The following HOMER1 variants were observed in gnomAD, a reference collection of about 807,000 sequenced individuals.
The protein encoded by HOMER1 is homer protein homolog 1.
HOMER1 carries 3 observed loss-of-function variants against 48.9 expected under a neutral mutation model. The observed-to-expected ratio is 0.06, with a 90% CI of 0.03 to 0.16. HOMER1 has a LOEUF of 0.16. HOMER1 is among the 10% of genes least tolerant of loss of function. The pLI, the probability that HOMER1 is intolerant of heterozygous loss-of-function variation, is 1.00. For synonymous variants in HOMER1, 134 were observed against 146.4 expected (o/e 0.92, Z 0.61); for missense variants, 247 against 411.4 (o/e 0.60, Z 3.46).
At chr5:79,382,603 A>C (rs1749011125) in intron 8 of HOMER1, among the ~76,000 whole-genome samples, 1 of 152,232 alleles carries the variant, frequency 6.6e-6, no homozygotes, top group Non-Finnish European at 1.5e-5. Flanking sequence ...TCTTTCCCAG[A>C]AAAGCAAAAG....
At chr5:79,391,255 A>G (rs1328169912) in intron 8 of HOMER1, among the ~76,000 whole-genome samples, 1 of 150,686 alleles carries the variant, frequency 6.6e-6, no homozygotes, top group African/African-American at 2.4e-5. Flanking sequence ...TTCCCACCTC[A>G]GCCTCCCATG....
intron 8 of HOMER1, among the ~76,000 whole-genome samples, chr5:79,381,448 G>A (rs1748972660): frequency 1.3e-5 from 2 of 152,040 alleles, no homozygotes; most frequent in Non-Finnish European, 2.9e-5. Flanking sequence ...ACATGAGAAC[G>A]CAATGAAATG....
At chr5:79,435,624 G>A (rs1378405692) in intron 5 of HOMER1, among the ~76,000 whole-genome samples, 1 of 152,080 alleles carries the variant, frequency 6.6e-6, no homozygotes, top group Non-Finnish European at 1.5e-5. Context: ...GAGGTCAGGA[G>A]ATTGAGACCA....
rs1748685887 is a variant in HOMER1 at position 79,373,484 on chromosome 5, A to G, written c.*2525T>C. 1 of 151,938 alleles carries G rather than the reference A, an allele frequency of 6.6e-6. No homozygotes were observed. The highest frequency in any genetic ancestry group is 2.1e-4 in the South Asian group (1 of 4,824). 9.4% of individuals were successfully genotyped at this position (151,938 alleles called of 1,614,324 possible). A position where few individuals can be genotyped will look rare whatever the true frequency, so the allele number is the denominator to read the frequency against. On this transcript the variant is annotated 3_prime_UTR_variant, in exon 9 of 9. Transcript: ENST00000334082. Reference sequence around the variant, plus strand: ...TTTGATTTAAATATAGATACAGTATATAATACTTGTCTCTGGGAAAAATCA... The same window carrying G: ...TTTGATTTAAATATAGATACAGTATGTAATACTTGTCTCTGGGAAAAATCA...
chr5:79,512,664 C>T, intron 1 of HOMER1, 106 bp downstream of exon 1: 2 of 1,070,846 alleles, frequency 1.9e-6, no homozygotes, highest in Admixed American at 3.9e-5. Flanking sequence ...ACCAGCTTAG[C>T]AAGGTGGCAA....
intron 1 of HOMER1, among the ~76,000 whole-genome samples, chr5:79,484,045 CAA>C (rs34704866): frequency 8.3e-5 from 6 of 72,252 alleles, no homozygotes; most frequent in East Asian, 3.2e-4. Flanking sequence ...GACTCCATCT[CAA>C]AAAAAAAAAA....
chr5:79,436,176 A>G (rs900520820), intron 5 of HOMER1, among the ~76,000 whole-genome samples: 5 of 151,638 alleles, frequency 3.3e-5, no homozygotes, highest in African/African-American at 1.2e-4. Flanking sequence ...AAAAAAATAA[A>G]TAAGATTTTA....
chr5:79,389,977 AG>A (rs1402409600), intron 8 of HOMER1, among the ~76,000 whole-genome samples: 5 of 152,182 alleles, frequency 3.3e-5, no homozygotes, highest in Non-Finnish European at 5.9e-5. Flanking sequence ...TCAGAGTCAA[AG>A]GATATCATTA....
chr5:79,421,781 A>AT (rs1422578233), intron 5 of HOMER1, among the ~76,000 whole-genome samples: 2 of 151,356 alleles, frequency 1.3e-5, no homozygotes, highest in Non-Finnish European at 2.9e-5. Flanking sequence ...ATTTTTTTGT[A>AT]TTTTTTAGTA....
intron 1 of HOMER1, among the ~76,000 whole-genome samples, chr5:79,484,312 G>A (rs1202293613): frequency 6.7e-6 from 1 of 149,226 alleles, no homozygotes; most frequent in Non-Finnish European, 1.5e-5. Context: ...TAATGCAAAA[G>A]AGAAAAGAAG....
intron 8 of HOMER1, among the ~76,000 whole-genome samples, chr5:79,381,043 A>G (rs773809967): frequency 1.3e-5 from 2 of 152,100 alleles, no homozygotes; most frequent in African/African-American, 2.4e-5. Context: ...GGAGACCCCA[A>G]AATCAGCTTG....
At position 79,465,584 on chromosome 5, in the gene HOMER1, C is replaced by CTTTTTTTTTTTTTTTTTTTTT. The variant is rs10666507; in HGVS notation, c.6-8587_6-8567dup. ...AGTAACAGTACTGTTTACATTTCTT[C>CTTTTTTTTTTTTTTTTTTTTT]TTTTTTTTTTTTTTTTTTTTTTTTT... is the stretch of plus-strand genomic sequence containing the variant. On this transcript the variant is annotated intron_variant, in intron 1 of 8. Transcript: ENST00000334082. Among the ~76,000 whole-genome samples, 35 of 77,894 alleles carry CTTTTTTTTTTTTTTTTTTTTT rather than the reference C, an allele frequency of 4.5e-4. 1 individual carries two copies. Among genetic ancestry groups the CTTTTTTTTTTTTTTTTTTTTT allele is most frequent in the African/African-American group, 1.6e-3 (26 of 16,486 alleles). 51.1% of individuals were successfully genotyped at this position (77,894 alleles called of 152,430 possible). A position where few individuals can be genotyped will look rare whatever the true frequency, so the allele number is the denominator to read the frequency against.
rs1020836523 is a variant in HOMER1 at position 79,443,391 on chromosome 5, C to A, written c.387+3662G>T. On this transcript the variant is annotated intron_variant, in intron 4 of 8. Coordinates refer to ENST00000334082, the MANE Select transcript of HOMER1 (RefSeq NM_004272.5). ...TGTTAGAAATGCAAATCCTTGGGTT[C>A]CATCTTAGACCTACTAAATCAGACA... Among the ~76,000 whole-genome samples the A allele has an allele frequency of 6.6e-5, 10 of 152,276 alleles. No individual in the cohort carries two copies. The East Asian group carries it at 1.9e-3, about 29-fold the overall frequency.
chr5:79,385,589 C>A (rs1043062898), intron 8 of HOMER1, among the ~76,000 whole-genome samples: 15 of 152,052 alleles, frequency 9.9e-5, no homozygotes, highest in African/African-American at 3.6e-4. Context: ...TGCCTATGGT[C>A]CTAGCACTGT....
intron 4 of HOMER1, among the ~76,000 whole-genome samples, chr5:79,445,076 A>C (rs572017556): frequency 1.3e-5 from 2 of 152,224 alleles, no homozygotes; most frequent in Non-Finnish European, 2.9e-5. Flanking sequence ...TAGTTTTCCA[A>C]ATAGAGCTGG....
intron 1 of HOMER1, among the ~76,000 whole-genome samples, chr5:79,458,284 T>G (rs949413169): frequency 6.6e-6 from 1 of 152,104 alleles, no homozygotes; most frequent in African/African-American, 2.4e-5. Context: ...TTTATCAAGC[T>G]TGTTTTTTTA....
chr5:79,388,478 A>G (rs1011235041), intron 8 of HOMER1, among the ~76,000 whole-genome samples: 3 of 152,214 alleles, frequency 2.0e-5, no homozygotes, highest in African/African-American at 7.2e-5. Flanking sequence ...AAATACTAAA[A>G]ACACTTGAGT....
At chr5:79,399,538 T>G (rs76099710) in intron 6 of HOMER1, among the ~76,000 whole-genome samples, 1 of 152,308 alleles carries the variant, frequency 6.6e-6, no homozygotes, top group African/African-American at 2.4e-5. Context: ...GATAAAGATT[T>G]CCTAGGACAA....
intron 8 of HOMER1, among the ~76,000 whole-genome samples, chr5:79,394,408 G>C (rs975971886): frequency 6.6e-6 from 1 of 152,106 alleles, no homozygotes; most frequent in African/African-American, 2.4e-5. Context: ...TCTGTAGCTT[G>C]TTCTTTTAGA....
Sources: gnomAD v4.1 joint callset for allele counts (sites outside exome capture counted in the v4.1 genomes callset) on GRCh38, gnomAD v4.1.1 for gene constraint, MANE v1.5 for transcripts, NCBI Gene and HGNC (gene_info 2026-07-23, HGNC 2026-07-21) for gene names.